The following NDST4 variants were observed in gnomAD, a reference collection of about 807,000 sequenced individuals.
The protein encoded by NDST4 is N-deacetylase and N-sulfotransferase 4, also known as N-heparan sulfate sulfotransferase 4.
Under a neutral mutation model 100.8 loss-of-function variants are expected in NDST4, and 63 were observed. The observed-to-expected ratio is 0.62, with a 90% CI of 0.51 to 0.77. The LOEUF is 0.77. Ranked by LOEUF, NDST4 falls within the 30% of genes least tolerant of loss-of-function variation. The pLI is 0.00. For synonymous variants in NDST4, 377 were observed against 361.8 expected (o/e 1.04, Z -0.48); for missense variants, 943 against 1,018.4 (o/e 0.93, Z 1.01).
chr4:114,908,338 C>T (rs1724994923), intron 6 of NDST4, among the ~76,000 whole-genome samples: 1 of 151,982 alleles, frequency 6.6e-6, no homozygotes, highest in Non-Finnish European at 1.5e-5. Context: ...TTTTATTTTT[C>T]TTTATTTTCA....
chr4:114,857,398 T>C (rs1289324298), intron 7 of NDST4, among the ~76,000 whole-genome samples: 1 of 152,142 alleles, frequency 6.6e-6, no homozygotes, highest in Non-Finnish European at 1.5e-5. Flanking sequence ...ATGGGAATGG[T>C]ATATCTGGGA....
chr4:115,042,652 G>T (rs1728376598), intron 2 of NDST4, among the ~76,000 whole-genome samples: 1 of 151,954 alleles, frequency 6.6e-6, no homozygotes, highest in South Asian at 2.1e-4. Flanking sequence ...AGTATATATA[G>T]AGAGAGTTCA....
chr4:114,948,039 T>C (rs931209249), intron 4 of NDST4, among the ~76,000 whole-genome samples: 4 of 152,114 alleles, frequency 2.6e-5, no homozygotes, highest in East Asian at 3.8e-4. Context: ...CAATTATATA[T>C]AGCAGCTGAT....
intron 6 of NDST4, among the ~76,000 whole-genome samples, chr4:114,898,936 A>G (rs975682476): frequency 3.9e-5 from 6 of 151,902 alleles, no homozygotes; most frequent in Non-Finnish European, 7.4e-5. Flanking sequence ...ATTATCTCAG[A>G]TGTTTTACAT....
intron 2 of NDST4, among the ~76,000 whole-genome samples, chr4:115,052,073 T>C (rs1481595831): frequency 1.3e-5 from 2 of 152,188 alleles, no homozygotes; most frequent in African/African-American, 2.4e-5. Context: ...GTCATTTGTA[T>C]GTCTTCTTTT....
intron 2 of NDST4, among the ~76,000 whole-genome samples, chr4:115,033,150 TATATA>T (rs1223866734): frequency 4.5e-4 from 54 of 119,300 alleles, no homozygotes; most frequent in African/African-American, 1.3e-3. Flanking sequence ...TATATATATA[TATATA>T]TATTTTTTTT....
chr4:114,919,868 A>C (rs534988751), intron 6 of NDST4, among the ~76,000 whole-genome samples: 1 of 152,272 alleles, frequency 6.6e-6, no homozygotes, highest in African/African-American at 2.4e-5. Context: ...ATTGGGATAT[A>C]ATTTGGAAGG....
At chr4:115,037,987 T>G (rs1177619043) in intron 2 of NDST4, among the ~76,000 whole-genome samples, 1 of 152,176 alleles carries the variant, frequency 6.6e-6, no homozygotes, top group Admixed American at 6.6e-5. Context: ...TAATTGCAGC[T>G]GAAGGAAAAA....
chr4:115,090,017 C>T (rs571943127), intron 1 of NDST4, among the ~76,000 whole-genome samples: 1 of 151,718 alleles, frequency 6.6e-6, no homozygotes, highest in Non-Finnish European at 1.5e-5. Flanking sequence ...TCTTCACCAA[C>T]TTTAAGTGTA....
chr4:115,054,049 A>T (rs749055608), intron 2 of NDST4, among the ~76,000 whole-genome samples: 2 of 152,134 alleles, frequency 1.3e-5, no homozygotes, highest in Non-Finnish European at 2.9e-5. Flanking sequence ...ATAATAGGTC[A>T]CTGTGATGTC....
chr4:115,008,958 C>A (rs1239549943), intron 2 of NDST4, among the ~76,000 whole-genome samples: 1 of 127,476 alleles, frequency 7.8e-6, no homozygotes, highest in Non-Finnish European at 1.7e-5. Context: ...AATAAAATAC[C>A]TAGGAATCCA....
chr4:114,983,482 A>G (rs1449602192), intron 2 of NDST4, among the ~76,000 whole-genome samples: 1 of 152,198 alleles, frequency 6.6e-6, no homozygotes, highest in African/African-American at 2.4e-5. Context: ...AGACTTGCAC[A>G]GGGCCTGTAG....
intron 6 of NDST4, among the ~76,000 whole-genome samples, chr4:114,927,929 T>C (rs1446894313): frequency 1.3e-5 from 2 of 152,112 alleles, no homozygotes; most frequent in African/African-American, 4.8e-5. Context: ...GCTGGGAAAG[T>C]AGGTAGAGAA....
intron 6 of NDST4, among the ~76,000 whole-genome samples, chr4:114,896,759 C>A (rs1461200723): frequency 6.6e-6 from 1 of 152,062 alleles, no homozygotes; most frequent in Non-Finnish European, 1.5e-5. Flanking sequence ...CACAAGCCAG[C>A]AGCTATTTTA....
chr4:115,002,052 T>C (rs945770558), intron 2 of NDST4, among the ~76,000 whole-genome samples: 5 of 152,192 alleles, frequency 3.3e-5, no homozygotes, highest in Admixed American at 6.5e-5. Flanking sequence ...TGCTAGTATA[T>C]GAAGATGTAA....
intron 6 of NDST4, among the ~76,000 whole-genome samples, chr4:114,931,653 A>G (rs1434495190): frequency 6.6e-6 from 1 of 151,884 alleles, no homozygotes; most frequent in Admixed American, 6.6e-5. Context: ...AAAATGAGAA[A>G]GAGGAGATAG....
intron 5 of NDST4, among the ~76,000 whole-genome samples, chr4:114,935,639 C>T (rs17047495): frequency 0.37 from 56,672 of 151,904 alleles, 12,662 homozygotes; most frequent in African/African-American, 0.63. Context: ...GTTAAGTTCA[C>T]CCAAAGATGG....
intron 4 of NDST4, among the ~76,000 whole-genome samples, chr4:114,959,754 A>T (rs1339865493): frequency 6.6e-6 from 1 of 152,214 alleles, no homozygotes; most frequent in Non-Finnish European, 1.5e-5. Flanking sequence ...AGAGGAAAAA[A>T]GTAGGAAAAA....
intron 3 of NDST4, 80 bp from the exon 4 acceptor site, chr4:114,970,664 A>G: frequency 8.1e-7 from 1 of 1,236,970 alleles, no homozygotes; most frequent in South Asian, 1.5e-5. Context: ...ATTTATGTTA[A>G]TTTTTCATGC....
Sources: allele counts gnomAD v4.1 joint callset (sites outside exome capture counted in the v4.1 genomes callset), GRCh38; gene constraint gnomAD v4.1.1; transcripts MANE v1.5; gene names NCBI Gene and HGNC (gene_info 2026-07-23, HGNC 2026-07-21).